Variants in TMEM132B observed in about 807,000 individuals in gnomAD.
TMEM132B encodes the protein transmembrane protein 132B.
A neutral mutation model predicts 90.8 loss-of-function variants in TMEM132B; 18 were observed. That is an observed-to-expected ratio of 0.20 (90% CI 0.14 to 0.29). The LOEUF is 0.29. TMEM132B is among the 10% of genes least tolerant of loss of function. The pLI is 1.00. For missense variants in TMEM132B, 1,096 were observed against 1,326.8 expected (o/e 0.83, Z 2.70); for synonymous variants, 504 against 523.3 (o/e 0.96, Z 0.50).
chr12:125,331,552 A>G (rs1264512448), intron 1 of TMEM132B, among the ~76,000 whole-genome samples: 1 of 152,146 alleles, frequency 6.6e-6, no homozygotes, highest in East Asian at 1.9e-4. Flanking sequence ...CTCACCAGGA[A>G]GAAGCTGAGT....
chr12:125,340,056 TA>T (rs2136219108), intron 1 of TMEM132B, among the ~76,000 whole-genome samples: 1 of 152,274 alleles, frequency 6.6e-6, no homozygotes, highest in South Asian at 2.1e-4. Context: ...TTTCAGGTCT[TA>T]ACAACATAAT....
At chr12:125,627,758 G>C (rs1593031109) in intron 5 of TMEM132B, among the ~76,000 whole-genome samples, 1 of 151,910 alleles carries the variant, frequency 6.6e-6, no homozygotes, top group African/African-American at 2.4e-5. Flanking sequence ...TAAATACTAG[G>C]TTTTATTCTT....
chr12:125,645,016 C>T (rs897602033), intron 6 of TMEM132B, among the ~76,000 whole-genome samples: 11 of 151,776 alleles, frequency 7.2e-5, no homozygotes, highest in African/African-American at 2.7e-4. Context: ...TGGAGATCGA[C>T]ACCATCCTGG....
chr12:125,624,459 G>C (rs1886182248), intron 5 of TMEM132B, among the ~76,000 whole-genome samples: 1 of 152,114 alleles, frequency 6.6e-6, no homozygotes, highest in Non-Finnish European at 1.5e-5. Flanking sequence ...TGTCTTCAAA[G>C]GACTTATATC....
chr12:125,188,862 A>AAAAG (rs533561694), intron 1 of TMEM132B, among the ~76,000 whole-genome samples: 2,238 of 138,392 alleles, frequency 0.016, 35 homozygotes, highest in Middle Eastern at 0.025. Context: ...CAAAAAAAAA[A>AAAAG]AAAAAAAAAA....
intron 3 of TMEM132B, among the ~76,000 whole-genome samples, chr12:125,432,457 ATG>A (rs1310518115): frequency 1.1e-5 from 1 of 91,078 alleles, no homozygotes; most frequent in Non-Finnish European, 2.2e-5. Context: ...ATATATATGT[ATG>A]TGTATATATA....
At chr12:125,587,244 C>CTTAGCT (rs1885204163) in intron 5 of TMEM132B, 1 of 149,106 alleles carries the variant, frequency 6.7e-6, no homozygotes, top group African/African-American at 2.5e-5. Context: ...CGCACACACA[C>CTTAGCT]AAGAAGCCTT....
intron 3 of TMEM132B, among the ~76,000 whole-genome samples, chr12:125,481,658 G>A (rs1413390158): frequency 1.3e-5 from 2 of 152,128 alleles, no homozygotes; most frequent in South Asian, 2.1e-4. Flanking sequence ...AATCAATATC[G>A]TGAAAATGGC....
At chr12:125,514,946 AG>A (rs1490760534) in intron 3 of TMEM132B, among the ~76,000 whole-genome samples, 1 of 152,168 alleles carries the variant, frequency 6.6e-6, no homozygotes, top group Admixed American at 6.5e-5. Flanking sequence ...AAGGTGCCTC[AG>A]CCCCTCCTCA....
Position 125,360,506 on chromosome 12 carries a change from C to T in TMEM132B, c.959+10163C>T, listed in dbSNP as rs567167383. Among the ~76,000 whole-genome samples the T allele has an allele frequency of 1.7e-4, 26 of 152,224 alleles. 1 individual carries two copies. The East Asian group carries it at 2.9e-3, about 17-fold the overall frequency. ...AGCAATTAGACATCACATTAGACATCGTTAGACTTTTACTGCCTGGTGCTG... is the reference window on the plus strand; with the variant it reads ...AGCAATTAGACATCACATTAGACATTGTTAGACTTTTACTGCCTGGTGCTG... On this transcript the variant is annotated intron_variant, in intron 2 of 8. Coordinates refer to ENST00000682704, the MANE Select transcript of TMEM132B (RefSeq NM_001366854.1).
chr12:125,659,808 T>C lies in TMEM132B; in HGVS notation c.*5098T>C, dbSNP rs142443595. The C allele has an allele frequency of 8.5e-5, 13 of 152,274 alleles. No homozygotes were observed. In the East Asian group the frequency reaches 1.7e-3, roughly 20 times the overall value. 9.4% of individuals were successfully genotyped at this position (152,274 alleles called of 1,614,324 possible). Reference sequence around the variant, plus strand: ...GGTGTAAACACAGGAGTTGGCTTTGTGAAACTGAGGCAGGATTTCCTGCCT... The same window carrying C: ...GGTGTAAACACAGGAGTTGGCTTTGCGAAACTGAGGCAGGATTTCCTGCCT... On this transcript the variant is annotated 3_prime_UTR_variant, in exon 9 of 9. Transcript: ENST00000682704.
At chr12:125,224,736 C>G (rs753871737) in intron 1 of TMEM132B, among the ~76,000 whole-genome samples, 1 of 152,226 alleles carries the variant, frequency 6.6e-6, no homozygotes, top group Admixed American at 6.5e-5. Context: ...TTTTAGAAAG[C>G]CTTCTTCCTC....
intron 1 of TMEM132B, among the ~76,000 whole-genome samples, chr12:125,275,052 C>T (rs1874952906): frequency 6.6e-6 from 1 of 152,178 alleles, no homozygotes; most frequent in Non-Finnish European, 1.5e-5. Flanking sequence ...ACTCATCTTT[C>T]AAAACCCACT....
chr12:125,542,656 A>C (rs903817917), intron 4 of TMEM132B, among the ~76,000 whole-genome samples: 3 of 152,184 alleles, frequency 2.0e-5, no homozygotes, highest in African/African-American at 7.2e-5. Flanking sequence ...CATGTGTCAG[A>C]ATTTCCTTCC....
chr12:125,615,493 A>G (rs1885964969), intron 5 of TMEM132B, among the ~76,000 whole-genome samples: 1 of 151,990 alleles, frequency 6.6e-6, no homozygotes, highest in Non-Finnish European at 1.5e-5. Flanking sequence ...CCTCAAATCT[A>G]TTTTGAGCTA....
intron 1 of TMEM132B, among the ~76,000 whole-genome samples, chr12:125,265,535 G>C (rs1365777510): frequency 6.6e-6 from 1 of 152,034 alleles, no homozygotes; most frequent in Non-Finnish European, 1.5e-5. Context: ...GTGAGAGCAA[G>C]GAAAAAGGGA....
At chr12:125,653,477 T>C in intron 8 of TMEM132B, 88 bp from the exon 9 acceptor site, 1 of 1,396,978 alleles carries the variant, frequency 7.2e-7, no homozygotes, top group Non-Finnish European at 9.6e-7. Flanking sequence ...TCCTTATATT[T>C]AAACAATTTA....
At chr12:125,524,061 C>T (rs376895892) in intron 4 of TMEM132B, among the ~76,000 whole-genome samples, 36 of 152,276 alleles carry the variant, frequency 2.4e-4, no homozygotes, top group East Asian at 9.7e-4. Flanking sequence ...GGAGGAGACC[C>T]GAAGTCAAAG....
intron 4 of TMEM132B, among the ~76,000 whole-genome samples, chr12:125,576,024 G>T (rs996761401): frequency 6.6e-6 from 1 of 151,982 alleles, no homozygotes; most frequent in African/African-American, 2.4e-5. Context: ...AAGGCAGCTG[G>T]AATTTTGATA....
Sources: allele counts gnomAD v4.1 joint callset (sites outside exome capture counted in the v4.1 genomes callset), GRCh38; gene constraint gnomAD v4.1.1; transcripts MANE v1.5; gene names NCBI Gene and HGNC (gene_info 2026-07-23, HGNC 2026-07-21).